Variants in KDM2A observed in about 807,000 individuals in gnomAD.
The protein encoded by KDM2A is lysine demethylase 2A, also known as lysine-specific demethylase 2A.
In KDM2A, 3 loss-of-function variants were observed where a neutral mutation model predicts 137.3. The ratio of observed to expected loss-of-function variants is 0.02; its 90% CI spans 0.01 to 0.06. KDM2A has a LOEUF of 0.06. KDM2A is among the 10% of genes least tolerant of loss of function. The pLI is 1.00. For synonymous variants in KDM2A, 512 were observed against 541.5 expected (o/e 0.95, Z 0.76); for missense variants, 738 against 1,510.6 (o/e 0.49, Z 8.48).
chr11:67,245,022 A>G lies in KDM2A; in HGVS notation c.1564-167A>G, dbSNP rs1859163260. 8.2e-6 allele frequency: 6 copies of G among 732,680 alleles called. No homozygotes were observed. The East Asian group carries it at 1.3e-4, about 15-fold the overall frequency. 45.4% of individuals were successfully genotyped at this position (732,680 alleles called of 1,614,324 possible). A position where few individuals can be genotyped will look rare whatever the true frequency, so the allele number is the denominator to read the frequency against. ...AAAAAAGCAGCCATTGATAATACAT[A>G]CACAAGATGAGTTGTGTGTCAATAA... is the stretch of plus-strand genomic sequence containing the variant. On this transcript the variant is annotated intron_variant, in intron 13 of 20. Coordinates refer to ENST00000529006, the MANE Select transcript of KDM2A (RefSeq NM_012308.3). The surrounding 1 kb of genome is among the most constrained non-coding windows in gnomAD (Gnocchi z 4.1).
At chr11:67,235,365 C>T (rs181994658) in intron 12 of KDM2A, among the ~76,000 whole-genome samples, 347 of 145,002 alleles carry the variant, frequency 2.4e-3, no homozygotes, top group Middle Eastern at 3.9e-3. Context: ...AGTGCAATGG[C>T]GCAGTCTTGG....
chr11:67,179,470 T>A (rs1364151440), intron 2 of KDM2A, among the ~76,000 whole-genome samples: 1 of 152,132 alleles, frequency 6.6e-6, no homozygotes, highest in Non-Finnish European at 1.5e-5. Context: ...ACATGGTTTC[T>A]CCGTGTTGGT....
chr11:67,230,932 A>C (rs145004969), intron 11 of KDM2A, among the ~76,000 whole-genome samples: 7 of 145,368 alleles, frequency 4.8e-5, no homozygotes, highest in African/African-American at 1.8e-4. Flanking sequence ...AACTTCAGAC[A>C]AAAAAAAAAA....
intron 5 of KDM2A, among the ~76,000 whole-genome samples, chr11:67,191,333 ACTT>A (rs1857349584): frequency 6.6e-6 from 1 of 152,146 alleles, no homozygotes; most frequent in South Asian, 2.1e-4. Context: ...CCAAGGGAAC[ACTT>A]CTTAAGTCTT....
At chr11:67,179,539 C>T (rs1232667835) in intron 2 of KDM2A, among the ~76,000 whole-genome samples, 1 of 152,194 alleles carries the variant, frequency 6.6e-6, no homozygotes, top group African/African-American at 2.4e-5. Context: ...CTCTGCTTCC[C>T]AAAGTACTGG....
At chr11:67,130,650 C>T (rs764847889) in intron 2 of KDM2A, among the ~76,000 whole-genome samples, 9 of 151,966 alleles carry the variant, frequency 5.9e-5, no homozygotes, top group Admixed American at 4.6e-4. Flanking sequence ...GGGGGGGTAA[C>T]GGACACTCTT....
intron 2 of KDM2A, among the ~76,000 whole-genome samples, chr11:67,135,959 TTC>T (rs2136288312): frequency 6.6e-6 from 1 of 152,360 alleles, no homozygotes; most frequent in South Asian, 2.1e-4. Context: ...TTTCATTGCA[TTC>T]TGTGTTTACC....
chr11:67,125,294 C>T (rs11227695), intron 2 of KDM2A, among the ~76,000 whole-genome samples: 4,913 of 151,618 alleles, frequency 0.032, 132 homozygotes, highest in African/African-American at 0.072. Context: ...GATCTTCCCA[C>T]GTCAGCTTCC....
At chr11:67,170,703 G>A (rs1590745710) in intron 2 of KDM2A, among the ~76,000 whole-genome samples, 1 of 151,884 alleles carries the variant, frequency 6.6e-6, no homozygotes, top group South Asian at 2.1e-4. Flanking sequence ...GTGAGCCACC[G>A]CACCTGGCCC....
chr11:67,176,257 T>TA (rs1011865033), intron 2 of KDM2A, among the ~76,000 whole-genome samples: 1 of 152,206 alleles, frequency 6.6e-6, no homozygotes, highest in Non-Finnish European at 1.5e-5. Flanking sequence ...TTTCATTTTT[T>TA]ATGACTTATT....
At chr11:67,126,157 A>G (rs1441825127) in intron 2 of KDM2A, among the ~76,000 whole-genome samples, 1 of 150,980 alleles carries the variant, frequency 6.6e-6, no homozygotes, top group Non-Finnish European at 1.5e-5. Flanking sequence ...GAGGCAGGAG[A>G]ATCGCTTGAA....
intron 11 of KDM2A, among the ~76,000 whole-genome samples, chr11:67,228,724 G>A (rs1858622571): frequency 6.6e-6 from 1 of 151,060 alleles, no homozygotes; most frequent in Admixed American, 6.6e-5. Flanking sequence ...ACGATGATCA[G>A]TTGTCTAATA....
chr11:67,205,378 A>G (rs976945438), intron 5 of KDM2A, among the ~76,000 whole-genome samples: 1 of 152,084 alleles, frequency 6.6e-6, no homozygotes, highest in Non-Finnish European at 1.5e-5. Context: ...ATTATCTCCT[A>G]TCTTTAACTA....
chr11:67,166,682 C>G (rs1349454728), intron 2 of KDM2A, among the ~76,000 whole-genome samples: 1 of 151,036 alleles, frequency 6.6e-6, no homozygotes, highest in African/African-American at 2.4e-5. Flanking sequence ...GTATACAGAT[C>G]AGGTATCTGT....
chr11:67,245,615 G>A lies in KDM2A; in HGVS notation c.1833+157G>A, dbSNP rs1223236683. On this transcript the variant is annotated intron_variant, in intron 14 of 20. Transcript: ENST00000529006. The surrounding 1 kb of genome is among the most constrained non-coding windows in gnomAD (Gnocchi z 4.1). ...TTTGTACCTTTTTTCCCCAGGTTTA[G>A]ATAGAAGGTATCTAGTACTAAAAAT... 6.4e-6 allele frequency: 5 copies of A among 784,916 alleles called. No homozygotes were observed. Among genetic ancestry groups the A allele is most frequent in the Non-Finnish European group, 2.0e-6 (1 of 501,918 alleles). The allele number at this position is 784,916 out of a possible 1,614,324, so 48.6% of individuals were successfully genotyped here.
At chr11:67,226,966 AAAAG>A (rs550199390) in intron 10 of KDM2A, among the ~76,000 whole-genome samples, 22 of 152,238 alleles carry the variant, frequency 1.4e-4, no homozygotes, top group African/African-American at 4.8e-4. Flanking sequence ...TGGTTTCAAA[AAAAG>A]GCAACAAAAT....
In KDM2A at chr11:67,250,274, C is replaced by G. The variant is rs1336484778; in HGVS notation, c.2244C>G (p.His748Gln). The G allele has an allele frequency of 6.2e-7, 1 of 1,613,916 alleles. No homozygotes were observed. Among genetic ancestry groups the G allele is most frequent in the South Asian group, 1.1e-5 (1 of 91,082 alleles). Residue 748 changes from histidine to glutamine, a missense_variant, in exon 17 of 21, where the codon CAC (histidine) becomes CAG (glutamine). Coordinates refer to ENST00000529006, the MANE Select transcript of KDM2A (RefSeq NM_012308.3). This position sits in a 1 kb window ranked among gnomAD's most constrained non-coding sequence, Gnocchi z 7.1. ...RSSPGAGPSD[H>Q]HSASRDERFK... ...CCCCTGGGGCTGGCCCCAGCGACCA[C>G]CACAGTGCCAGCCGCGATGAGCGCT...
At chr11:67,240,013 C>G (rs1858979084) in intron 12 of KDM2A, 1 of 1,281,224 alleles carries the variant, frequency 7.8e-7, no homozygotes, top group Non-Finnish European at 9.9e-7. Context: ...CTGGCTCGCT[C>G]ACTCTCGCTC....
rs756235125 is a variant in KDM2A at position 67,198,709 on chromosome 11, C to CA, written c.308-8786dup. On this transcript the variant is annotated intron_variant, in intron 5 of 20. Coordinates refer to ENST00000529006, the MANE Select transcript of KDM2A (RefSeq NM_012308.3). ...TGGGTGACAGAGTGAGACTCTGTCT[C>CA]AAAAAAAAAAAAAAAGCTTTTCATT... Among the ~76,000 whole-genome samples the CA allele has an allele frequency of 6.5e-3, 421 of 64,288 alleles. 3 individuals carry two copies. The highest frequency in any genetic ancestry group is 0.019 in the Admixed American group (114 of 5,972). The allele number at this position is 64,288 out of a possible 152,430, so 42.2% of individuals were successfully genotyped here. A position where few individuals can be genotyped will look rare whatever the true frequency, so the allele number is the denominator to read the frequency against.
Sources: gnomAD v4.1 joint callset for allele counts (sites outside exome capture counted in the v4.1 genomes callset) on GRCh38, gnomAD v4.1.1 for gene constraint, Gnocchi (gnomAD v3.1) non-coding constraint, MANE v1.5 for transcripts, NCBI Gene and HGNC (gene_info 2026-07-23, HGNC 2026-07-21) for gene names.